The following GTF2F2 variants were observed in gnomAD, a reference collection of about 807,000 sequenced individuals.
GTF2F2 encodes general transcription factor IIF subunit 2, also known as ATP-dependent helicase GTF2F2.
GTF2F2 carries 23 observed loss-of-function variants against 42.2 expected under a neutral mutation model. That is an observed-to-expected ratio of 0.55 (90% CI 0.39 to 0.77). The LOEUF (loss-of-function observed/expected upper bound fraction) is 0.77, where lower values mean the gene tolerates loss of function less well. Among genes scored for constraint, GTF2F2 ranks in the 30% least tolerant of loss-of-function variants. The probability of loss-of-function intolerance (pLI) is 0.00; values close to 1 mark genes in which losing one functional copy is unlikely to be tolerated. For missense variants in GTF2F2, 261 were observed against 287.2 expected, an observed-to-expected ratio of 0.91 and a Z score of 0.66; for synonymous variants, 105 against 100.8, an observed-to-expected ratio of 1.04 and a Z score of -0.25.
At chr13:45,130,164 G>A (rs1041048082) in intron 1 of GTF2F2, among the ~76,000 whole-genome samples, 3 of 152,216 alleles carry the variant, frequency 2.0e-5, no homozygotes, top group Non-Finnish European at 4.4e-5. Flanking sequence ...TGGAGAGGCA[G>A]CATGGCATGG....
At chr13:45,121,503 G>C (rs963212495) in intron 1 of GTF2F2, among the ~76,000 whole-genome samples, 2 of 152,148 alleles carry the variant, frequency 1.3e-5, no homozygotes, top group African/African-American at 4.8e-5. Flanking sequence ...CTGAGTTCTC[G>C]TCAATTAAAT....
chr13:45,262,141 G>A (rs1876367913), intron 6 of GTF2F2, among the ~76,000 whole-genome samples: 1 of 151,970 alleles, frequency 6.6e-6, no homozygotes, highest in African/African-American at 2.4e-5. Flanking sequence ...GGATGTCAAG[G>A]TTAGAAGATC....
chr13:45,172,979 A>G lies in GTF2F2; in HGVS notation c.304+21148A>G, dbSNP rs576595599. Reference sequence around the variant, plus strand: ...TATGAATTTTAAGATCAGTTCCTTAATTTTTGCAAAAAGTAAAAAGTCCAG... The same window carrying G: ...TATGAATTTTAAGATCAGTTCCTTAGTTTTTGCAAAAAGTAAAAAGTCCAG... On this transcript the variant is annotated intron_variant, in intron 4 of 7. Transcript: ENST00000340473. Among the ~76,000 whole-genome samples, 8 of 152,130 alleles carry G rather than the reference A, an allele frequency of 5.3e-5. No homozygotes were observed. The South Asian group carries it at 1.7e-3, about 32-fold the overall frequency.
chr13:45,230,925 T>G (rs868740422), intron 5 of GTF2F2, among the ~76,000 whole-genome samples: 12 of 151,210 alleles, frequency 7.9e-5, no homozygotes, highest in African/African-American at 1.9e-4. Flanking sequence ...TTTTGTGGGG[T>G]TTTTTTTGCA....
intron 4 of GTF2F2, among the ~76,000 whole-genome samples, chr13:45,188,986 G>GTTGGT (rs1566128417): frequency 6.6e-6 from 1 of 151,452 alleles, no homozygotes; most frequent in Admixed American, 6.6e-5. Flanking sequence ...CATGTGCCAT[G>GTTGGT]TTGGTTTGCT....
intron 6 of GTF2F2, among the ~76,000 whole-genome samples, chr13:45,254,496 G>C (rs1482815042): frequency 6.6e-6 from 1 of 152,136 alleles, no homozygotes; most frequent in East Asian, 1.9e-4. Flanking sequence ...GTATTGGTCT[G>C]AGTGCTTCGT....
intron 1 of GTF2F2, among the ~76,000 whole-genome samples, chr13:45,128,598 A>G (rs1403563973): frequency 2.0e-5 from 3 of 151,216 alleles, no homozygotes; most frequent in African/African-American, 7.3e-5. Context: ...ATTTTATTTT[A>G]TTTTATTTTT....
intron 7 of GTF2F2, among the ~76,000 whole-genome samples, chr13:45,280,831 G>A (rs1877231788): frequency 6.6e-6 from 1 of 152,130 alleles, no homozygotes. Flanking sequence ...CTTTTCTATG[G>A]AGCTACTAAA....
intron 1 of GTF2F2, among the ~76,000 whole-genome samples, chr13:45,131,608 A>G (rs923902272): frequency 6.6e-6 from 1 of 151,926 alleles, no homozygotes; most frequent in Admixed American, 6.6e-5. Flanking sequence ...GAGTTTTGCC[A>G]TAAAGAGAGG....
chr13:45,208,177 G>A (rs7323786), intron 5 of GTF2F2, among the ~76,000 whole-genome samples: 54,435 of 151,674 alleles, frequency 0.36, 13,545 homozygotes, highest in African/African-American at 0.71. Flanking sequence ...CCAGAATATC[G>A]TCCTATTCTC....
intron 2 of GTF2F2, among the ~76,000 whole-genome samples, chr13:45,137,313 A>G (rs1869680503): frequency 6.6e-6 from 1 of 152,250 alleles, no homozygotes; most frequent in Admixed American, 6.5e-5. Context: ...AAGCTCAGCT[A>G]GTGTCAGCTG....
At chr13:45,129,997 A>G (rs945798183) in intron 1 of GTF2F2, among the ~76,000 whole-genome samples, 31 of 152,214 alleles carry the variant, frequency 2.0e-4, no homozygotes, top group Admixed American at 5.2e-4. Flanking sequence ...GCGTCTTTAG[A>G]TGGGACGTCA....
intron 4 of GTF2F2, among the ~76,000 whole-genome samples, chr13:45,187,835 T>A (rs1872488039): frequency 1.3e-5 from 2 of 152,252 alleles, no homozygotes; most frequent in African/African-American, 2.4e-5. Flanking sequence ...CATGCATTGC[T>A]GTTTAAAATA....
At chr13:45,128,504 C>T (rs1187386194) in intron 1 of GTF2F2, among the ~76,000 whole-genome samples, 6 of 151,180 alleles carry the variant, frequency 4.0e-5, no homozygotes, top group South Asian at 2.1e-4. Flanking sequence ...ACCTGGGGGG[C>T]GGAGGTTGCA....
At chr13:45,183,272 A>T (rs564318604) in intron 4 of GTF2F2, among the ~76,000 whole-genome samples, 2 of 152,278 alleles carry the variant, frequency 1.3e-5, no homozygotes, top group African/African-American at 2.4e-5. Context: ...CTAGCAAAGT[A>T]TCAGTGACTT....
At chr13:45,235,041 C>CAAAAAAAA (rs61077504) in intron 5 of GTF2F2, among the ~76,000 whole-genome samples, 16 of 43,718 alleles carry the variant, frequency 3.7e-4, no homozygotes, top group East Asian at 2.3e-3. Context: ...GCGGGAAACT[C>CAAAAAAAA]AAAAAAAAAA....
At chr13:45,243,534 G>C (rs967779027) in intron 5 of GTF2F2, among the ~76,000 whole-genome samples, 2 of 152,200 alleles carry the variant, frequency 1.3e-5, no homozygotes, top group Non-Finnish European at 2.9e-5. Flanking sequence ...GTGCCAAAAA[G>C]GTTGTGGGAC....
chr13:45,200,000 C>G (rs1053499124), intron 4 of GTF2F2, among the ~76,000 whole-genome samples: 1 of 151,932 alleles, frequency 6.6e-6, no homozygotes. Context: ...ATGGAGAACT[C>G]TATCATATCA....
intron 5 of GTF2F2, among the ~76,000 whole-genome samples, chr13:45,243,108 T>A (rs1875401759): frequency 6.6e-6 from 1 of 152,202 alleles, no homozygotes; most frequent in Admixed American, 6.5e-5. Flanking sequence ...CCCCAGGGGA[T>A]TGATTCCAGG....
Sources: allele counts gnomAD v4.1 joint callset (sites outside exome capture counted in the v4.1 genomes callset), GRCh38; gene constraint gnomAD v4.1.1; transcripts MANE v1.5; gene names NCBI Gene and HGNC (gene_info 2026-07-23, HGNC 2026-07-21).